The following PTPRR variants were observed in gnomAD, a reference collection of about 807,000 sequenced individuals.
The protein encoded by PTPRR is protein tyrosine phosphatase receptor type R.
PTPRR carries 38 observed loss-of-function variants against 77.2 expected under a neutral mutation model. The observed-to-expected ratio is 0.49, with a 90% CI of 0.38 to 0.65. The LOEUF is 0.65. Among genes scored for constraint, PTPRR ranks in the 30% least tolerant of loss-of-function variants. The probability of loss-of-function intolerance (pLI) is 0.00; values close to 1 mark genes in which losing one functional copy is unlikely to be tolerated. For synonymous variants in PTPRR, 299 were observed against 283.1 expected, an observed-to-expected ratio of 1.06 and a Z score of -0.57; for missense variants, 744 against 799.2, an observed-to-expected ratio of 0.93 and a Z score of 0.83.
At chr12:70,715,048 T>C (rs189639744) in intron 6 of PTPRR, among the ~76,000 whole-genome samples, 3 of 152,162 alleles carry the variant, frequency 2.0e-5, no homozygotes, top group East Asian at 3.9e-4. Flanking sequence ...ATTTAAGACA[T>C]TACGATATCA....
At chr12:70,695,634 T>C (rs1473569504) in intron 8 of PTPRR, among the ~76,000 whole-genome samples, 1 of 152,200 alleles carries the variant, frequency 6.6e-6, no homozygotes, top group African/African-American at 2.4e-5. Flanking sequence ...ATGCTAATAA[T>C]TTCCAAATCC....
In PTPRR at chr12:70,764,782, G is replaced by C; in HGVS notation, c.358-4C>G. Reference sequence around the variant, plus strand: ...TGTTTACATCCATTTGCAGTGTCTAGAAAATAAGGACAAAAATAAATCCAA... The same window carrying C: ...TGTTTACATCCATTTGCAGTGTCTACAAAATAAGGACAAAAATAAATCCAA... On this transcript the variant is annotated splice_region_variant and splice_polypyrimidine_tract_variant and intron_variant, in intron 2 of 13. Transcript: ENST00000283228. 6.3e-7 allele frequency: 1 copy of C among 1,596,898 alleles called. No individual in the cohort carries two copies. Among genetic ancestry groups the C allele is most frequent in the Non-Finnish European group, 8.6e-7 (1 of 1,164,326 alleles).
intron 3 of PTPRR, among the ~76,000 whole-genome samples, chr12:70,761,841 C>T (rs1490163700): frequency 6.6e-6 from 1 of 152,104 alleles, no homozygotes; most frequent in Non-Finnish European, 1.5e-5. Flanking sequence ...TTAGTTGCCA[C>T]CCCCCAAGAT....
chr12:70,881,854 A>C (rs749356241), intron 2 of PTPRR, among the ~76,000 whole-genome samples: 2 of 152,232 alleles, frequency 1.3e-5, no homozygotes, highest in Non-Finnish European at 2.9e-5. Context: ...CAGCGAGAAG[A>C]AGCAAATATA....
In PTPRR at chr12:70,665,364, CTTTTTTTTTTTTTTTTTT is replaced by C. The variant is rs72472808; in HGVS notation, c.1498-2777_1498-2760del. 7.2e-3 allele frequency among the ~76,000 whole-genome samples: 323 copies of C among 44,636 alleles called. 2 individuals carry two copies. The highest frequency in any genetic ancestry group is 0.02 in the African/African-American group (295 of 14,798). 29.3% of individuals were successfully genotyped at this position (44,636 alleles called of 152,430 possible). On this transcript the variant is annotated intron_variant, in intron 10 of 13. Coordinates refer to ENST00000283228, the MANE Select transcript of PTPRR (RefSeq NM_002849.4). Reference sequence around the variant, plus strand: ...GATGTAACACAAAGCAATGCAAATTCTTTTTTTTTTTTTTTTTTTTTTTTTTTTTTTTTTTGTGATGGA... The same window carrying C: ...GATGTAACACAAAGCAATGCAAATTCTTTTTTTTTTTTTTTTTGTGATGGA...
rs1248691616 is a variant in PTPRR at position 70,792,759 on chromosome 12, T to G, written c.358-27981A>C. Among the ~76,000 whole-genome samples the G allele has an allele frequency of 5.3e-5, 8 of 152,116 alleles. No individual in the cohort carries two copies. In the South Asian group the frequency reaches 1.7e-3, roughly 32 times the overall value. On this transcript the variant is annotated intron_variant, in intron 2 of 13. Coordinates refer to ENST00000283228, the MANE Select transcript of PTPRR (RefSeq NM_002849.4). ...GAAAAAAGATGCATCAATTTAAATT[T>G]TTTTTGCACAAAGTAAACTCAAATG... is the stretch of plus-strand genomic sequence containing the variant.
At position 70,867,591 on chromosome 12, in the gene PTPRR, C is replaced by T. The variant is rs879821619; in HGVS notation, c.357+25088G>A. Among the ~76,000 whole-genome samples, 105 of 151,094 alleles carry T rather than the reference C, an allele frequency of 6.9e-4. 1 individual carries two copies. Among genetic ancestry groups the T allele is most frequent in the Non-Finnish European group, 1.3e-3 (91 of 67,432 alleles). ...GCTCATGGGTAGGAAGAATCAATAT[C>T]GTGAAAATGGCCATACTGCCCAAGG... is the stretch of plus-strand genomic sequence containing the variant. On this transcript the variant is annotated intron_variant, in intron 2 of 13. Transcript: ENST00000283228.
rs1384176738 is a variant in PTPRR, at chr12:70,797,126, C to T, written c.358-32348G>A. On this transcript the variant is annotated intron_variant, in intron 2 of 13. Coordinates refer to ENST00000283228, the MANE Select transcript of PTPRR (RefSeq NM_002849.4). Reference sequence around the variant, plus strand: ...ACTATGCTTTGCTCTTTCAAGCTCTCTCTTTGGATATACTGCTTGTTTTGT... The same window carrying T: ...ACTATGCTTTGCTCTTTCAAGCTCTTTCTTTGGATATACTGCTTGTTTTGT... 5.9e-5 allele frequency among the ~76,000 whole-genome samples: 9 copies of T among 152,196 alleles called. No homozygotes were observed. The South Asian group carries it at 1.9e-3, about 31-fold the overall frequency.
chr12:70,701,972 C>G (rs1888443338), intron 6 of PTPRR, among the ~76,000 whole-genome samples: 2 of 151,646 alleles, frequency 1.3e-5, no homozygotes, highest in Admixed American at 6.6e-5. Flanking sequence ...GACCTTGGCT[C>G]TAAAATAAAT....
At chr12:70,768,172 A>G in intron 2 of PTPRR, among the ~76,000 whole-genome samples, 1 of 152,118 alleles carries the variant, frequency 6.6e-6, no homozygotes, top group Non-Finnish European at 1.5e-5. Flanking sequence ...ATCAGAGCAG[A>G]ACTGAAGGAA....
intron 13 of PTPRR, among the ~76,000 whole-genome samples, chr12:70,654,751 C>T (rs1459182882): frequency 6.6e-6 from 1 of 152,172 alleles, no homozygotes; most frequent in Non-Finnish European, 1.5e-5. Flanking sequence ...TTGTTTAATG[C>T]TGTATTTGCA....
In PTPRR at chr12:70,765,093, G is replaced by A. The variant is rs564706169; in HGVS notation, c.358-315C>T. ...CCCAGTGTGAGTGATGCAGAAGATG[G>A]GTGATTTCTGCATTTCCATCTGAGG... is the stretch of plus-strand genomic sequence containing the variant. On this transcript the variant is annotated intron_variant, in intron 2 of 13. Transcript: ENST00000283228. 5.9e-5 allele frequency among the ~76,000 whole-genome samples: 9 copies of A among 152,282 alleles called. No homozygotes were observed. The South Asian group carries it at 1.9e-3, about 32-fold the overall frequency.
At chr12:70,894,471 T>G (rs1170603419) in intron 1 of PTPRR, among the ~76,000 whole-genome samples, 1 of 151,768 alleles carries the variant, frequency 6.6e-6, no homozygotes, top group Admixed American at 6.6e-5. Flanking sequence ...TATTATTTTA[T>G]TTCTTAACCC....
At chr12:70,793,715 A>G (rs1891462597) in intron 2 of PTPRR, among the ~76,000 whole-genome samples, 1 of 152,196 alleles carries the variant, frequency 6.6e-6, no homozygotes. Flanking sequence ...TTGATAGGAA[A>G]TCATTAGGCA....
At chr12:70,758,267 T>C (rs1420825591) in intron 4 of PTPRR, among the ~76,000 whole-genome samples, 1 of 152,158 alleles carries the variant, frequency 6.6e-6, no homozygotes, top group Non-Finnish European at 1.5e-5. Context: ...TCAAATGTAG[T>C]CTATTGTGAG....
intron 5 of PTPRR, among the ~76,000 whole-genome samples, chr12:70,748,583 A>G (rs1361841876): frequency 6.6e-6 from 1 of 152,192 alleles, no homozygotes; most frequent in African/African-American, 2.4e-5. Context: ...AGGAGCTGTA[A>G]AACTCAAACT....
chr12:70,683,997 A>T, intron 10 of PTPRR, 130 bp downstream of exon 10: 1 of 964,934 alleles, frequency 1.0e-6, no homozygotes, highest in Non-Finnish European at 1.5e-6. Flanking sequence ...GGGATGTATT[A>T]AGTGACTTAG....
intron 6 of PTPRR, among the ~76,000 whole-genome samples, chr12:70,731,726 G>A (rs1038958157): frequency 3.9e-5 from 6 of 152,144 alleles, no homozygotes; most frequent in African/African-American, 9.7e-5. Context: ...TGAAATAGAC[G>A]AATATGTCTA....
chr12:70,685,353 A>T (rs1887823617), intron 8 of PTPRR, among the ~76,000 whole-genome samples: 1 of 151,444 alleles, frequency 6.6e-6, no homozygotes, highest in Admixed American at 6.6e-5. Context: ...GATAAACATG[A>T]TTCATTTCGA....
Sources: gnomAD v4.1 joint callset for allele counts (sites outside exome capture counted in the v4.1 genomes callset) on GRCh38, gnomAD v4.1.1 for gene constraint, MANE v1.5 for transcripts, NCBI Gene and HGNC (gene_info 2026-07-23, HGNC 2026-07-21) for gene names.